ADAMTS9: variants seen among roughly 807,000 people sequenced by gnomAD.
The protein encoded by ADAMTS9 is ADAM metallopeptidase with thrombospondin type 1 motif 9.
In ADAMTS9, 107 loss-of-function variants were observed where a neutral mutation model predicts 257.1. That is an observed-to-expected ratio of 0.42 (90% confidence interval 0.36 to 0.49). ADAMTS9 has a LOEUF of 0.49. Ranked by LOEUF, ADAMTS9 falls within the 20% of genes least tolerant of loss-of-function variation. ADAMTS9 has a pLI of 0.03. For missense variants in ADAMTS9, 2,353 were observed against 2,469.1 expected, an observed-to-expected ratio of 0.95 and a Z score of 1.00; for synonymous variants, 982 against 880.9, an observed-to-expected ratio of 1.11 and a Z score of -2.03.
At chr3:64,609,506 A>AT (rs201175455) in intron 22 of ADAMTS9, among the ~76,000 whole-genome samples, 8 of 151,892 alleles carry the variant, frequency 5.3e-5, no homozygotes, top group African/African-American at 1.9e-4. Flanking sequence ...CCAAAAGTAA[A>AT]TTTAAAAAAA....
rs1339346850 is a variant in ADAMTS9, at chr3:64,614,567, T to A, written c.3189+754A>T. On this transcript the variant is annotated intron_variant, in intron 21 of 39. Coordinates refer to ENST00000498707, the MANE Select transcript of ADAMTS9 (RefSeq NM_182920.2). ...GATTTGGCCCATTAAAAAGGAAACTTCTGTTTCGTATTTCTTATTTCCCTT... is the reference window on the plus strand; with the variant it reads ...GATTTGGCCCATTAAAAAGGAAACTACTGTTTCGTATTTCTTATTTCCCTT... 2.0e-5 allele frequency among the ~76,000 whole-genome samples: 3 copies of A among 152,192 alleles called. No individual in the cohort carries two copies. The East Asian group carries it at 5.8e-4, about 29-fold the overall frequency.
In ADAMTS9 at chr3:64,533,210, T is replaced by A. The variant is rs1305912136; in HGVS notation, c.5674A>T (p.Ile1892Leu). Reference sequence around the variant, plus strand: ...GAGACAGCATAATTCCCTTGTGATATCCATCTGGCAGATTCAGTTAAAGAC... The same window carrying A: ...GAGACAGCATAATTCCCTTGTGATAACCATCTGGCAGATTCAGTTAAAGAC... ...GLSLTESARW[I>L]SQGNYAVSDI... Residue 1892 changes from isoleucine (I) to leucine (L), a missense_variant, in exon 38 of 40, where the codon ATA becomes TTA. Ile to Leu is a conservative substitution (Grantham distance 5, BLOSUM62 2). This residue lies in a region of ADAMTS9 where 1,402 missense variants were observed against 1,441.4 expected (regional missense o/e 0.97). Coordinates refer to ENST00000498707, the MANE Select transcript of ADAMTS9 (RefSeq NM_182920.2). The A allele has an allele frequency of 6.2e-7, 1 of 1,614,128 alleles. No homozygotes were observed.
At chr3:64,518,010 G>C (rs566858833) in intron 39 of ADAMTS9, among the ~76,000 whole-genome samples, 1 of 152,260 alleles carries the variant, frequency 6.6e-6, no homozygotes, top group African/African-American at 2.4e-5. Context: ...GACCTAACCA[G>C]AGCTAAACAG....
rs2084395500 is a variant in ADAMTS9, at chr3:64,598,057, C to T, written c.4018-1066G>A. Among the ~76,000 whole-genome samples the T allele has an allele frequency of 2.6e-5, 4 of 152,172 alleles. No homozygotes were observed. The South Asian group carries it at 8.3e-4, about 32-fold the overall frequency. On this transcript the variant is annotated intron_variant, in intron 26 of 39. Transcript: ENST00000498707. The stretch of plus-strand genomic sequence containing the variant: ...TCTTGCTGGTCATCTTCTTCCGTAT[C>T]AAGATGTGAATACATTTTGTTGCTA...
At chr3:64,517,380 C>T (rs532276444) in intron 39 of ADAMTS9, among the ~76,000 whole-genome samples, 61 of 141,256 alleles carry the variant, frequency 4.3e-4, no homozygotes, top group Non-Finnish European at 5.4e-4. Context: ...GCTGGGTCTA[C>T]AGGTGCAAAC....
intron 10 of ADAMTS9, 116 bp from the exon 11 acceptor site, chr3:64,648,160 G>T (rs1187117659): frequency 1.1e-6 from 1 of 899,428 alleles, no homozygotes; most frequent in Non-Finnish European, 1.7e-6. Context: ...AAGTGGGGAA[G>T]GAAATTCTTT....
rs563775097 is a variant in ADAMTS9 at position 64,681,455 on chromosome 3, T to C, written c.517-92A>G. 45 of 1,341,754 alleles carry C rather than the reference T, an allele frequency of 3.4e-5. No homozygotes were observed. In the Admixed American group the frequency reaches 6.0e-4, roughly 18 times the overall value. The allele number at this position is 1,341,754 out of a possible 1,614,324, so 83.1% of individuals were successfully genotyped here. On this transcript the variant is annotated intron_variant, in intron 2 of 39. Coordinates refer to ENST00000498707, the MANE Select transcript of ADAMTS9 (RefSeq NM_182920.2). The stretch of plus-strand genomic sequence containing the variant: ...AGAACATTTTCAAGTAGAGATGGTG[T>C]CATTTTACCCAATCTCTTTTTCAGG...
chr3:64,571,956 G>A (rs891295768), intron 28 of ADAMTS9, among the ~76,000 whole-genome samples: 17 of 152,088 alleles, frequency 1.1e-4, no homozygotes, highest in Admixed American at 6.5e-4. Flanking sequence ...AGACATAATC[G>A]TCAAATTTAG....
chr3:64,551,792 T>C (rs2083274958), intron 30 of ADAMTS9, among the ~76,000 whole-genome samples: 1 of 152,194 alleles, frequency 6.6e-6, no homozygotes, highest in African/African-American at 2.4e-5. Context: ...TCTCTTTGTA[T>C]GTTCCAGGCC....
At chr3:64,536,054 C>A (rs550188945) in intron 37 of ADAMTS9, among the ~76,000 whole-genome samples, 6 of 152,150 alleles carry the variant, frequency 3.9e-5, no homozygotes, top group Non-Finnish European at 8.8e-5. Flanking sequence ...GAGGTCCAGG[C>A]GGCTGACCCA....
chr3:64,520,092 A>G (rs1040521298), intron 39 of ADAMTS9, among the ~76,000 whole-genome samples: 1 of 152,240 alleles, frequency 6.6e-6, no homozygotes, highest in Non-Finnish European at 1.5e-5. Flanking sequence ...TGACTTCAGT[A>G]AATTTTCAGG....
chr3:64,679,001 T>C (rs941612791), intron 3 of ADAMTS9, among the ~76,000 whole-genome samples: 1 of 152,150 alleles, frequency 6.6e-6, no homozygotes, highest in Non-Finnish European at 1.5e-5. Context: ...CTAAAAGTAC[T>C]GGCATTGTGA....
At chr3:64,519,555 T>C (rs940026463) in intron 39 of ADAMTS9, among the ~76,000 whole-genome samples, 1 of 152,080 alleles carries the variant, frequency 6.6e-6, no homozygotes, top group South Asian at 2.1e-4. Flanking sequence ...CTCAACAAAA[T>C]ACTAGCAAAC....
intron 30 of ADAMTS9, among the ~76,000 whole-genome samples, chr3:64,560,018 T>C (rs1172993772): frequency 1.3e-5 from 2 of 152,216 alleles, no homozygotes; most frequent in African/African-American, 4.8e-5. Context: ...CTCTTCCTTC[T>C]ATATCTGACG....
intron 11 of ADAMTS9, among the ~76,000 whole-genome samples, chr3:64,644,940 C>T (rs1700746589): frequency 6.6e-6 from 1 of 152,096 alleles, no homozygotes; most frequent in South Asian, 2.1e-4. Flanking sequence ...TAATTCAAAA[C>T]TGATATGGAA....
At chr3:64,643,136 G>C (rs1166992331) in intron 11 of ADAMTS9, among the ~76,000 whole-genome samples, 7 of 152,170 alleles carry the variant, frequency 4.6e-5, no homozygotes. Context: ...GGGTGACTCA[G>C]GACCCATGAA....
intron 28 of ADAMTS9, chr3:64,587,634 A>C (rs1188422958): frequency 6.6e-6 from 1 of 152,112 alleles, no homozygotes; most frequent in Non-Finnish European, 1.5e-5. Flanking sequence ...TCATAAGAGA[A>C]AGGGGATGCA....
At chr3:64,598,666 A>G (rs569245405) in intron 26 of ADAMTS9, among the ~76,000 whole-genome samples, 1 of 152,294 alleles carries the variant, frequency 6.6e-6, no homozygotes, top group South Asian at 2.1e-4. Context: ...CATAATAAAA[A>G]ACAGAGAACT....
chr3:64,677,077 C>T (rs76954794), intron 3 of ADAMTS9, among the ~76,000 whole-genome samples: 392 of 152,230 alleles, frequency 2.6e-3, no homozygotes, highest in African/African-American at 7.6e-3. Flanking sequence ...GGGAAGGATC[C>T]GCAGGAAGTG....
Sources: gnomAD v4.1 joint callset for allele counts (sites outside exome capture counted in the v4.1 genomes callset) on GRCh38, gnomAD v4.1.1 for gene constraint, gnomAD v4.1.1 regional missense constraint, MANE v1.5 for transcripts, NCBI Gene and HGNC (gene_info 2026-07-23, HGNC 2026-07-21) for gene names.